Variants in PTPRK observed in about 807,000 individuals in gnomAD.
PTPRK encodes the protein protein tyrosine phosphatase receptor type K.
Under a neutral mutation model 178.0 loss-of-function variants are expected in PTPRK, and 75 were observed. That is an observed-to-expected ratio of 0.42 (90% confidence interval 0.35 to 0.51). The LOEUF (loss-of-function observed/expected upper bound fraction) is 0.51. PTPRK is among the 20% of genes least tolerant of loss of function. The pLI, the probability that PTPRK is intolerant of heterozygous loss-of-function variation, is 0.02. For synonymous variants in PTPRK, 637 were observed against 620.6 expected (o/e 1.03, Z -0.39); for missense variants, 1,441 against 1,797.8 (o/e 0.80, Z 3.59).
chr6:127,980,405 T>C (rs963697686), intron 25 of PTPRK, among the ~76,000 whole-genome samples: 1 of 151,938 alleles, frequency 6.6e-6, no homozygotes, highest in African/African-American at 2.4e-5. Flanking sequence ...GGCAGGAGAA[T>C]TGCTTGAACC....
At chr6:128,004,698 A>T (rs896983994) in intron 15 of PTPRK, among the ~76,000 whole-genome samples, 3 of 151,860 alleles carry the variant, frequency 2.0e-5, no homozygotes, top group African/African-American at 7.2e-5. Context: ...GTTTCCTCTT[A>T]TCGCAAAAGA....
intron 19 of PTPRK, among the ~76,000 whole-genome samples, chr6:127,991,698 G>T (rs3903662): frequency 6.7e-6 from 1 of 149,294 alleles, no homozygotes. Flanking sequence ...CTTCAAATAT[G>T]TGTAAAAAAT....
chr6:128,491,454 G>GATAAA (rs1853759976), intron 1 of PTPRK, among the ~76,000 whole-genome samples: 2 of 152,162 alleles, frequency 1.3e-5, no homozygotes, highest in Non-Finnish European at 2.9e-5. Flanking sequence ...TTGTGTCTCA[G>GATAAA]GATTATGTGC....
At position 128,000,131 on chromosome 6, in the gene PTPRK, G is replaced by A. The variant is rs1419517090; in HGVS notation, c.2495-1227C>T. 4.9e-5 allele frequency: 49 copies of A among 990,504 alleles called. No homozygotes were observed. The Admixed American group carries it at 1.5e-3, about 30-fold the overall frequency. The allele number at this position is 990,504 out of a possible 1,614,324, so 61.4% of individuals were successfully genotyped here. A position where few individuals can be genotyped will look rare whatever the true frequency, so the allele number is the denominator to read the frequency against. On this transcript the variant is annotated intron_variant, in intron 15 of 29. Coordinates refer to ENST00000368226, the MANE Select transcript of PTPRK (RefSeq NM_002844.4). Reference sequence around the variant, plus strand: ...GTGTTACTTTGAAAAGCATTATACCGTCATACTCATTAACAGAAGAGAAAA... The same window carrying A: ...GTGTTACTTTGAAAAGCATTATACCATCATACTCATTAACAGAAGAGAAAA...
At chr6:128,027,015 T>G (rs1456932756) in intron 13 of PTPRK, among the ~76,000 whole-genome samples, 1 of 152,202 alleles carries the variant, frequency 6.6e-6, no homozygotes, top group Non-Finnish European at 1.5e-5. Flanking sequence ...TTTTTATGAC[T>G]TGACTTACAG....
chr6:128,389,620 T>C (rs534674895), intron 2 of PTPRK, among the ~76,000 whole-genome samples: 119 of 152,148 alleles, frequency 7.8e-4, no homozygotes, highest in African/African-American at 2.8e-3. Flanking sequence ...GGACTATGTA[T>C]TGATTTTAAG....
chr6:128,377,911 A>C (rs1367673041), intron 2 of PTPRK, among the ~76,000 whole-genome samples: 1 of 152,178 alleles, frequency 6.6e-6, no homozygotes, highest in Non-Finnish European at 1.5e-5. Flanking sequence ...GCTGAATTTT[A>C]AACACATTAG....
intron 2 of PTPRK, among the ~76,000 whole-genome samples, chr6:128,370,617 G>GT (rs1473362381): frequency 6.6e-6 from 1 of 151,942 alleles, no homozygotes; most frequent in Non-Finnish European, 1.5e-5. Flanking sequence ...CAGTAAAACT[G>GT]TTAGGTTTTA....
rs76491158 is a variant in PTPRK, at chr6:128,103,884, C to T, written c.1163-13892G>A. 3.3e-3 allele frequency among the ~76,000 whole-genome samples: 497 copies of T among 152,290 alleles called. 2 individuals are homozygous for T. Among genetic ancestry groups the T allele is most frequent in the African/African-American group, 0.011 (476 of 41,568 alleles). ...GCCCCCAGTGACTTCCCATCTGAATCACAGTAGGAGTGGAAGGCCAGGTCC... is the reference window on the plus strand; with the variant it reads ...GCCCCCAGTGACTTCCCATCTGAATTACAGTAGGAGTGGAAGGCCAGGTCC... On this transcript the variant is annotated intron_variant, in intron 7 of 29. Coordinates refer to ENST00000368226, the MANE Select transcript of PTPRK (RefSeq NM_002844.4).
chr6:128,312,314 G>A (rs1310149540), intron 3 of PTPRK, among the ~76,000 whole-genome samples: 1 of 152,172 alleles, frequency 6.6e-6, no homozygotes, highest in Non-Finnish European at 1.5e-5. Context: ...GTTATGGCTG[G>A]CTTTGAAGAA....
At chr6:128,047,134 G>T (rs561919323) in intron 13 of PTPRK, among the ~76,000 whole-genome samples, 4 of 152,274 alleles carry the variant, frequency 2.6e-5, no homozygotes, top group South Asian at 4.1e-4. Flanking sequence ...ATCAGTGCTG[G>T]TATGTCTTAT....
rs1778839651 is a variant in PTPRK, at chr6:128,050,608, T to C, written c.2194+14150A>G. Among the ~76,000 whole-genome samples, 3 of 152,330 alleles carry C rather than the reference T, an allele frequency of 2.0e-5. No homozygotes were observed. In the South Asian group the frequency reaches 6.2e-4, roughly 32 times the overall value. On this transcript the variant is annotated intron_variant, in intron 13 of 29. Transcript: ENST00000368226. ...TATGATGCTGATTATTTAATTCATA[T>C]GTTTAATAGTCAAGCCAAGGTCTTT...
intron 1 of PTPRK, among the ~76,000 whole-genome samples, chr6:128,434,257 C>T (rs193167700): frequency 2.0e-5 from 3 of 152,244 alleles, no homozygotes; most frequent in Admixed American, 1.3e-4. Context: ...TCTCTGAGTA[C>T]AATTGTATAA....
In PTPRK at chr6:128,400,178, A is replaced by G. The variant is rs544214374; in HGVS notation, c.101-2490T>C. ...ACAATGTGTTATGCGGGATAATAATATGATGAAAATTCCACAGAACATTAA... is the reference window on the plus strand; with the variant it reads ...ACAATGTGTTATGCGGGATAATAATGTGATGAAAATTCCACAGAACATTAA... On this transcript the variant is annotated intron_variant, in intron 1 of 29. Coordinates refer to ENST00000368226, the MANE Select transcript of PTPRK (RefSeq NM_002844.4). Among the ~76,000 whole-genome samples, 10 of 152,258 alleles carry G rather than the reference A, an allele frequency of 6.6e-5. No individual in the cohort carries two copies. In the South Asian group the frequency reaches 2.1e-3, roughly 32 times the overall value.
intron 2 of PTPRK, among the ~76,000 whole-genome samples, chr6:128,386,200 C>T (rs1838694900): frequency 6.6e-6 from 1 of 151,996 alleles, no homozygotes; most frequent in Non-Finnish European, 1.5e-5. Flanking sequence ...TGGCAGATAA[C>T]TGGATAAATA....
intron 2 of PTPRK, among the ~76,000 whole-genome samples, chr6:128,367,896 A>G (rs1357565180): frequency 6.6e-6 from 1 of 152,220 alleles, no homozygotes; most frequent in Non-Finnish European, 1.5e-5. Context: ...TCGGGAAAAA[A>G]TATTCTCACT....
At chr6:128,055,290 G>A (rs1779704519) in intron 13 of PTPRK, among the ~76,000 whole-genome samples, 1 of 151,942 alleles carries the variant, frequency 6.6e-6, no homozygotes, top group South Asian at 2.1e-4. Flanking sequence ...TAAAATAATA[G>A]CAAAAATTAA....
At chr6:128,396,263 C>T (rs933798728) in intron 2 of PTPRK, among the ~76,000 whole-genome samples, 2 of 149,752 alleles carry the variant, frequency 1.3e-5, no homozygotes, top group Admixed American at 6.7e-5. Context: ...ACTAAATATA[C>T]TTTGAAACCT....
intron 3 of PTPRK, among the ~76,000 whole-genome samples, chr6:128,256,064 TA>T: frequency 6.6e-6 from 1 of 152,364 alleles, no homozygotes; most frequent in East Asian, 1.9e-4. Flanking sequence ...GAGTGTCTAA[TA>T]TTTGCTGGAC....
Sources: gnomAD v4.1 joint callset for allele counts (sites outside exome capture counted in the v4.1 genomes callset) on GRCh38, gnomAD v4.1.1 for gene constraint, MANE v1.5 for transcripts, NCBI Gene and HGNC (gene_info 2026-07-23, HGNC 2026-07-21) for gene names.